The following STAT2 variants were observed in gnomAD, a reference collection of about 807,000 sequenced individuals.
The protein encoded by STAT2 is signal transducer and activator of transcription 2, also known as interferon alpha induced transcriptional activator.
STAT2 carries 51 observed loss-of-function variants against 122.3 expected under a neutral mutation model. That is an observed-to-expected ratio of 0.42 (90% CI 0.33 to 0.53). The LOEUF (loss-of-function observed/expected upper bound fraction) is 0.53, where lower values mean the gene tolerates loss of function less well. Among genes scored for constraint, STAT2 ranks in the 20% least tolerant of loss-of-function variants. The pLI, the probability that STAT2 is intolerant of heterozygous loss-of-function variation, is 0.10. For missense variants in STAT2, 736 were observed against 1,010.3 expected (o/e 0.73, Z 3.68); for synonymous variants, 351 against 394.9 (o/e 0.89, Z 1.32).
In STAT2 at chr12:56,355,790, T is replaced by C. The variant is rs774417394; in HGVS notation, c.299A>G (p.Asp100Gly). The C allele has an allele frequency of 1.9e-6, 3 of 1,614,134 alleles. No individual in the cohort carries two copies. Among genetic ancestry groups the C allele is most frequent in the Non-Finnish European group, 2.5e-6 (3 of 1,180,006 alleles). The change falls in exon 4 of 24, where the codon GAT becomes GGT. Residue 100 changes from aspartate to glycine, a missense_variant. Asp to Gly is a moderately conservative substitution (Grantham distance 94). Transcript: ENST00000314128. ...GATCATCTCAGCCAACTGGGTAGGA[T>C]CCTGGGAAAAGGGCTAGAATAGGTA... is the stretch of plus-strand genomic sequence containing the variant. ...FCRDIQPFSQ[D>G]PTQLAEMIFN...
intron 19 of STAT2, among the ~76,000 whole-genome samples, chr12:56,347,485 C>T (rs1448335586): frequency 6.6e-6 from 1 of 152,000 alleles, no homozygotes; most frequent in Non-Finnish European, 1.5e-5. Context: ...GCAACCACGC[C>T]TGGCCACAAA....
intron 8 of STAT2, chr12:56,352,559 C>G (rs1878695557): frequency 6.6e-6 from 1 of 151,252 alleles, no homozygotes; most frequent in Non-Finnish European, 1.5e-5. Context: ...GGCACTCCAG[C>G]CTGGGAGACA....
At chr12:56,350,289 C>T in intron 12 of STAT2, 99 bp from the exon 13 acceptor site, 1 of 1,439,688 alleles carries the variant, frequency 6.9e-7, no homozygotes, top group Non-Finnish European at 9.6e-7. Flanking sequence ...TCAGATCTCG[C>T]CATCTCCCTT....
intron 21 of STAT2, 84 bp from the exon 22 acceptor site, chr12:56,346,287 C>T (rs776124646): frequency 1.0e-5 from 16 of 1,573,864 alleles, no homozygotes; most frequent in Non-Finnish European, 1.4e-5. Flanking sequence ...ATGGTCCTGG[C>T]AGTCTCATCC....
intron 4 of STAT2, 79 bp from the exon 5 acceptor site, chr12:56,355,611 T>C (rs1394351785): frequency 2.5e-6 from 4 of 1,598,410 alleles, no homozygotes; most frequent in African/African-American, 2.7e-5. Flanking sequence ...TACCACAGGA[T>C]GTCGGGGGGA....
Position 56,349,428 on chromosome 12 carries a change from T to C in STAT2, c.1339A>G (p.Lys447Glu). The change falls in exon 15 of 24, where the codon AAA becomes GAA. Residue 447 changes from lysine to glutamate, a missense_variant and splice_region_variant. Lys to Glu is a moderately conservative substitution (Grantham distance 56). Coordinates refer to ENST00000314128, the MANE Select transcript of STAT2 (RefSeq NM_005419.4). ...YTYQGLKQEL[K>E]TDTLPVVIIS... The stretch of plus-strand genomic sequence containing the variant: ...CCTTGCCCTCCATTTTCACTCACTT[T>C]CAGCTCCTGCTTCAGACCCTGGTAG... 1.9e-6 allele frequency: 3 copies of C among 1,614,208 alleles called. No individual in the cohort carries two copies. Among genetic ancestry groups the C allele is most frequent in the Non-Finnish European group, 2.5e-6 (3 of 1,180,040 alleles).
rs777522947 is a variant in STAT2 at position 56,354,767 on chromosome 12, C to T, written c.633+11G>A. 23 of 1,614,098 alleles carry T rather than the reference C, an allele frequency of 1.4e-5. No individual in the cohort carries two copies. The highest frequency in any genetic ancestry group is 1.8e-5 in the Non-Finnish European group (21 of 1,180,030). On this transcript the variant is annotated intron_variant, in intron 7 of 23. Coordinates refer to ENST00000314128, the MANE Select transcript of STAT2 (RefSeq NM_005419.4). ...CCTTGTTGCCCACATGTTCTGTCCT[C>T]TGTCTCCCACCTTTCTCCTTTTGTC... is the stretch of plus-strand genomic sequence containing the variant.
At chr12:56,352,371 T>TTGTGGGGG (rs1565655623) in intron 8 of STAT2, 2 of 28,464 alleles carry the variant, frequency 7.0e-5, no homozygotes, top group Non-Finnish European at 1.4e-4. Flanking sequence ...TTTTTTTTTT[T>TTGTGGGGG]GGTGGGGGTG....
In STAT2 at chr12:56,346,485, T is replaced by G. The variant is rs1565648587; in HGVS notation, c.2001A>C (p.Arg667=). 6.2e-7 allele frequency: 1 copy of G among 1,614,196 alleles called. No homozygotes were observed. Among genetic ancestry groups the G allele is most frequent in the Non-Finnish European group, 8.5e-7 (1 of 1,180,034 alleles). ...ACCCAAAAGCTTCATCCCGGGGGAT[T>G]CGGGGATAGAGGAAGCGCAGTGGGT... is the stretch of plus-strand genomic sequence containing the variant. ...PENPLRFLYP[R]IPRDEAFGCY... Residue 667 remains arginine, a synonymous_variant, in exon 21 of 24, where the codon CGA becomes CGC. Coordinates refer to ENST00000314128, the MANE Select transcript of STAT2 (RefSeq NM_005419.4).
Position 56,354,839 on chromosome 12 carries a change from TG to T in STAT2, c.571del (p.His191IlefsTer31). 1 of 1,614,142 alleles carries T rather than the reference TG, an allele frequency of 6.2e-7. No individual in the cohort carries two copies. Among genetic ancestry groups the T allele is most frequent in the Non-Finnish European group, 8.5e-7 (1 of 1,180,026 alleles). On this transcript the variant is annotated frameshift_variant, in exon 7 of 24. Transcript: ENST00000314128. LOFTEE classifies it high-confidence loss of function. ...AKGKTPSLDP[H>X]QTKEQKILQE... ...CAGAATCTTCTGCTCTTTGGTCTGA[TG>T]GGGGTCCAGAGAGGGTGTCTTCCCT...
intron 16 of STAT2, 38 bp downstream of exon 16, chr12:56,349,122 CCCT>C: frequency 6.2e-7 from 1 of 1,613,946 alleles, no homozygotes; most frequent in African/African-American, 1.3e-5. Context: ...GCTTCCACAC[CCCT>C]CCTCTCGCGC....
At chr12:56,354,409 T>C (rs1879187263) in intron 8 of STAT2, 57 bp downstream of exon 8, 1 of 1,611,300 alleles carries the variant, frequency 6.2e-7, no homozygotes, top group Non-Finnish European at 8.5e-7. Context: ...TGCAGGGCAC[T>C]GCAACTTACA....
chr12:56,344,042 C>G lies in STAT2; in HGVS notation c.2196G>C (p.Glu732Asp), dbSNP rs765587705. ...GCAGTGGCTCTAAGTCCAGGCTGAG[C>G]TCTGGCTCTGGCACCAGCCCTAGTT... is the stretch of plus-strand genomic sequence containing the variant. ...ELELGLVPEPELSLDLEPLLK... is the reference protein window; with the variant it reads ...ELELGLVPEPDLSLDLEPLLK... The change falls in exon 23 of 24, where the codon GAG becomes GAC. Residue 732 changes from glutamate (E) to aspartate (D), a missense_variant. Coordinates refer to ENST00000314128, the MANE Select transcript of STAT2 (RefSeq NM_005419.4). The G allele has an allele frequency of 5.0e-6, 8 of 1,612,174 alleles. No homozygotes were observed. In the Admixed American group the frequency reaches 1.3e-4, roughly 27 times the overall value.
intron 1 of STAT2, 55 bp from the exon 2 acceptor site, chr12:56,356,633 C>A: frequency 1.3e-6 from 2 of 1,591,348 alleles, no homozygotes; most frequent in South Asian, 2.3e-5. Flanking sequence ...CTAAATCATC[C>A]ATAGTTTCAT....
chr12:56,349,858 G>C (rs112146614), intron 13 of STAT2: 11 of 656,434 alleles, frequency 1.7e-5, no homozygotes, highest in African/African-American at 9.1e-5. Context: ...AGACCAGCCC[G>C]ACCAATATGG....
At chr12:56,358,710 T>C (rs1245703014) in intron 1 of STAT2, among the ~76,000 whole-genome samples, 3 of 152,318 alleles carry the variant, frequency 2.0e-5, no homozygotes, top group Non-Finnish European at 2.9e-5. Flanking sequence ...CCTGTGAATC[T>C]TGAATATGAT....
At chr12:56,354,208 T>C (rs1167433789) in intron 8 of STAT2, among the ~76,000 whole-genome samples, 2 of 149,014 alleles carry the variant, frequency 1.3e-5, no homozygotes, top group Non-Finnish European at 3.0e-5. Context: ...AATACATATA[T>C]ATATATTTCT....
intron 8 of STAT2, among the ~76,000 whole-genome samples, chr12:56,352,004 T>C (rs57367440): frequency 0.046 from 6,954 of 152,210 alleles, 225 homozygotes; most frequent in Non-Finnish European, 0.068. Context: ...GAGATTCTCC[T>C]GCCTTGGCCT....
rs1001820443 is a variant in STAT2 at position 56,353,763 on chromosome 12, T to G, written c.782+703A>C. On this transcript the variant is annotated intron_variant, in intron 8 of 23. Transcript: ENST00000314128. ...AATCCCAGCACTTTGGGAGCCCAAG[T>G]TGGGTGGATCACCTGAAGTCAGGAG... is the stretch of plus-strand genomic sequence containing the variant. Among the ~76,000 whole-genome samples the G allele has an allele frequency of 2.7e-4, 40 of 150,760 alleles. 1 individual carries two copies. Among genetic ancestry groups the G allele is most frequent in the Non-Finnish European group, 5.9e-5 (4 of 67,698 alleles).
Sources: gnomAD v4.1 joint callset for allele counts (sites outside exome capture counted in the v4.1 genomes callset) on GRCh38, gnomAD v4.1.1 for gene constraint, MANE v1.5 for transcripts, NCBI Gene and HGNC (gene_info 2026-07-23, HGNC 2026-07-21) for gene names.